PPHLN1: variants seen among roughly 807,000 people sequenced by gnomAD.
The protein encoded by PPHLN1 is periphilin 1.
Under a neutral mutation model 51.3 loss-of-function variants are expected in PPHLN1, and 29 were observed. The observed-to-expected ratio is 0.57, with a 90% CI of 0.42 to 0.77. The LOEUF is 0.77. Ranked by LOEUF, PPHLN1 falls within the 30% of genes least tolerant of loss-of-function variation. The pLI is 0.00. For synonymous variants in PPHLN1, 147 were observed against 147.8 expected, an observed-to-expected ratio of 0.99 and a Z score of 0.04; for missense variants, 436 against 438.4, an observed-to-expected ratio of 0.99 and a Z score of 0.05.
chr12:42,330,447 C>T (rs982485517), intron 1 of PPHLN1, among the ~76,000 whole-genome samples: 10 of 152,194 alleles, frequency 6.6e-5, no homozygotes, highest in Admixed American at 3.3e-4. Flanking sequence ...GGACAATACC[C>T]GGCTTTCCTG....
chr12:42,348,276 A>ATTTTTTTTTTTTTTTTTTTTTT (rs1213561958), intron 2 of PPHLN1, among the ~76,000 whole-genome samples: 1 of 85,610 alleles, frequency 1.2e-5, no homozygotes, highest in Non-Finnish European at 2.2e-5. Context: ...CACCTGGCTA[A>ATTTTTTTTTTTTTTTTTTTTTT]TTTTTTTTTT....
intron 8 of PPHLN1, among the ~76,000 whole-genome samples, chr12:42,394,029 G>GT (rs2077975271): frequency 6.6e-6 from 1 of 152,002 alleles, no homozygotes; most frequent in Non-Finnish European, 1.5e-5. Flanking sequence ...AGTGAATTCA[G>GT]AACAGAAATC....
At chr12:42,365,599 G>A (rs2075183375) in intron 4 of PPHLN1, among the ~76,000 whole-genome samples, 2 of 148,730 alleles carry the variant, frequency 1.3e-5, no homozygotes, top group Admixed American at 1.3e-4. Flanking sequence ...TTTCAAATAA[G>A]CATCTAAAGT....
Position 42,441,654 on chromosome 12 carries a change from T to C in PPHLN1, c.*145T>C, listed in dbSNP as rs2082977582. 1 of 1,292,436 alleles carries C rather than the reference T, an allele frequency of 7.7e-7. No homozygotes were observed. The highest frequency in any genetic ancestry group is 9.9e-7 in the Non-Finnish European group (1 of 1,005,850). The allele number at this position is 1,292,436 out of a possible 1,614,324, so 80.1% of individuals were successfully genotyped here. ...ACAACATTTCAGTATTAAATAAACA[T>C]CTAAAATAGTCTGTTTAAAATGTTT... On this transcript the variant is annotated 3_prime_UTR_variant, in exon 10 of 10. Transcript: ENST00000358314.
chr12:42,398,250 G>C (rs941827840), intron 8 of PPHLN1, among the ~76,000 whole-genome samples: 3 of 152,090 alleles, frequency 2.0e-5, no homozygotes, highest in Admixed American at 2.0e-4. Context: ...TTATTGATTT[G>C]TGGGGTTTTC....
At chr12:42,327,073 C>A (rs1274005584) in intron 1 of PPHLN1, among the ~76,000 whole-genome samples, 1 of 152,222 alleles carries the variant, frequency 6.6e-6, no homozygotes, top group Non-Finnish European at 1.5e-5. Context: ...TTGTGGCCAG[C>A]CAAACTTACC....
At chr12:42,433,389 C>T in intron 9 of PPHLN1, 1 of 388,080 alleles carries the variant, frequency 2.6e-6, no homozygotes. Flanking sequence ...GTGGTGCGTT[C>T]TCTGCTCACT....
intron 5 of PPHLN1, among the ~76,000 whole-genome samples, chr12:42,377,301 C>CTTTTTT (rs11297368): frequency 2.8e-4 from 29 of 104,996 alleles, no homozygotes; most frequent in East Asian, 2.4e-3. Flanking sequence ...TTTTTTCTTT[C>CTTTTTT]TTTTTTTTTT....
intron 1 of PPHLN1, among the ~76,000 whole-genome samples, chr12:42,333,883 T>C (rs2070190711): frequency 6.6e-6 from 1 of 152,222 alleles, no homozygotes; most frequent in Non-Finnish European, 1.5e-5. Flanking sequence ...GCCATTATAG[T>C]TTTGGTTTTC....
At chr12:42,383,477 G>A (rs2087404359) in intron 5 of PPHLN1, among the ~76,000 whole-genome samples, 1 of 152,144 alleles carries the variant, frequency 6.6e-6, no homozygotes, top group Admixed American at 6.5e-5. Flanking sequence ...AGTGGAGGAG[G>A]AATTTTATGT....
chr12:42,352,166 C>A, intron 3 of PPHLN1, 117 bp downstream of exon 3: 3 of 926,610 alleles, frequency 3.2e-6, no homozygotes, highest in Non-Finnish European at 4.3e-6. Context: ...CTGCTTGATG[C>A]TCTCATGTGA....
At chr12:42,374,738 G>A (rs1160385783) in intron 4 of PPHLN1, 125 bp from the exon 5 acceptor site, 6 of 771,950 alleles carry the variant, frequency 7.8e-6, no homozygotes, top group African/African-American at 1.8e-5. Flanking sequence ...ACAGGCGTGA[G>A]TCACCGCACC....
chr12:42,379,522 T>G (rs1006097703), intron 5 of PPHLN1, among the ~76,000 whole-genome samples: 4 of 152,158 alleles, frequency 2.6e-5, no homozygotes, highest in African/African-American at 9.6e-5. Flanking sequence ...CCAGACCTTT[T>G]GCTTTCCTAT....
In PPHLN1 at chr12:42,390,372, A is replaced by G. The variant is rs2077581143; in HGVS notation, c.648+2837A>G. On this transcript the variant is annotated intron_variant, in intron 7 of 9. Coordinates refer to ENST00000358314, the MANE Select transcript of PPHLN1 (RefSeq NM_201439.2). ...ACTGCCTTGGTTTTCATGTCAGGTAATAGATGAAAGAAGAGTAAATAGTAC... is the reference window on the plus strand; with the variant it reads ...ACTGCCTTGGTTTTCATGTCAGGTAGTAGATGAAAGAAGAGTAAATAGTAC... Among the ~76,000 whole-genome samples, 3 of 152,208 alleles carry G rather than the reference A, an allele frequency of 2.0e-5. 1 individual carries two copies. Among genetic ancestry groups the G allele is most frequent in the Admixed American group, 2.0e-4 (3 of 15,288 alleles).
At chr12:42,331,878 C>G (rs2069794958) in intron 1 of PPHLN1, 1 of 152,190 alleles carries the variant, frequency 6.6e-6, no homozygotes, top group African/African-American at 2.4e-5. Flanking sequence ...GGAGTCTGAA[C>G]ACCTTTGTAT....
chr12:42,337,267 C>CTTT (rs569605996), intron 2 of PPHLN1, among the ~76,000 whole-genome samples: 1 of 131,980 alleles, frequency 7.6e-6, no homozygotes, highest in Non-Finnish European at 1.7e-5. Context: ...TTTCTTTTTT[C>CTTT]TTTTTTTTTT....
chr12:42,367,318 T>A (rs1312498284), intron 4 of PPHLN1, among the ~76,000 whole-genome samples: 1 of 152,204 alleles, frequency 6.6e-6, no homozygotes, highest in East Asian at 1.9e-4. Context: ...GATGTTAGTT[T>A]TACAAAACAG....
At chr12:42,358,554 CTATTT>C (rs1405488327) in intron 4 of PPHLN1, among the ~76,000 whole-genome samples, 1 of 152,122 alleles carries the variant, frequency 6.6e-6, no homozygotes, top group African/African-American at 2.4e-5. Flanking sequence ...CCACACCCAT[CTATTT>C]TATTTTATTT....
Position 42,439,704 on chromosome 12 carries a change from C to T in PPHLN1, c.910-1611C>T, listed in dbSNP as rs117564795. The stretch of plus-strand genomic sequence containing the variant: ...ATTTTTGTATTTTTAGTAGAGACAG[C>T]GTTTCACTAACACTGTCTGTTTGTT... On this transcript the variant is annotated intron_variant, in intron 9 of 9. Transcript: ENST00000358314. Among the ~76,000 whole-genome samples, 924 of 152,110 alleles carry T rather than the reference C, an allele frequency of 6.1e-3. 17 individuals are homozygous for T. The highest frequency in any genetic ancestry group is 0.029 in the East Asian group (148 of 5,174).
Sources: allele counts gnomAD v4.1 joint callset (sites outside exome capture counted in the v4.1 genomes callset), GRCh38; gene constraint gnomAD v4.1.1; transcripts MANE v1.5; gene names NCBI Gene and HGNC (gene_info 2026-07-23, HGNC 2026-07-21).